DCDC1: variants seen among roughly 807,000 people sequenced by gnomAD.
DCDC1 encodes the protein doublecortin domain containing 1.
In DCDC1, 200 loss-of-function variants were observed where a neutral mutation model predicts 178.3. That is an observed-to-expected ratio of 1.12 (90% CI 1.00 to 1.26). The LOEUF (loss-of-function observed/expected upper bound fraction) is 1.26, where lower values mean the gene tolerates loss of function less well. Ranked by LOEUF, DCDC1 falls within the 50% of genes most tolerant of loss-of-function variation. DCDC1 has a pLI of 0.00. For synonymous variants in DCDC1, 690 were observed against 604.8 expected, an observed-to-expected ratio of 1.14 and a Z score of -2.07; for missense variants, 1,983 against 1,749.2, an observed-to-expected ratio of 1.13 and a Z score of -2.38.
At chr11:31,222,455 C>T (rs748202366) in intron 9 of DCDC1, among the ~76,000 whole-genome samples, 4 of 152,208 alleles carry the variant, frequency 2.6e-5, no homozygotes, top group Non-Finnish European at 5.9e-5. Context: ...CCTCAAAACT[C>T]TTCCAGTCTG....
At chr11:31,190,792 T>C (rs184218022) in intron 9 of DCDC1, among the ~76,000 whole-genome samples, 5 of 152,222 alleles carry the variant, frequency 3.3e-5, no homozygotes, top group Admixed American at 2.0e-4. Context: ...TCAATTAACA[T>C]TACTTAATAT....
intron 38 of DCDC1, among the ~76,000 whole-genome samples, chr11:30,870,255 C>T (rs1222573281): frequency 6.6e-6 from 1 of 152,112 alleles, no homozygotes; most frequent in Non-Finnish European, 1.5e-5. Flanking sequence ...CCTGAGACAC[C>T]TCTTGAAGAC....
intron 6 of DCDC1, among the ~76,000 whole-genome samples, chr11:31,293,990 C>T (rs1044327062): frequency 6.6e-6 from 1 of 152,200 alleles, no homozygotes; most frequent in Non-Finnish European, 1.5e-5. Context: ...TCCACTCTCT[C>T]GGCGAGACCT....
intron 8 of DCDC1, among the ~76,000 whole-genome samples, chr11:31,244,482 T>C (rs978484528): frequency 6.6e-6 from 1 of 151,784 alleles, no homozygotes; most frequent in African/African-American, 2.4e-5. Context: ...CAAACTACTA[T>C]GTAGAAATAT....
chr11:30,944,673 G>C (rs1417552273), intron 21 of DCDC1, among the ~76,000 whole-genome samples: 1 of 152,094 alleles, frequency 6.6e-6, no homozygotes, highest in African/African-American at 2.4e-5. Context: ...TTCCCTGCTT[G>C]GTAAGTATTC....
chr11:30,911,684 A>G (rs371097780), intron 27 of DCDC1, among the ~76,000 whole-genome samples: 3 of 152,150 alleles, frequency 2.0e-5, no homozygotes, highest in East Asian at 1.9e-4. Context: ...AGAACACCCA[A>G]TGATGCTTTG....
chr11:31,184,537 CATCT>C (rs1336976121), intron 9 of DCDC1, among the ~76,000 whole-genome samples: 2 of 151,940 alleles, frequency 1.3e-5, no homozygotes, highest in Non-Finnish European at 2.9e-5. Flanking sequence ...CTAATCTATC[CATCT>C]GACAAAGGGC....
chr11:31,055,732 C>T (rs1486766396), intron 20 of DCDC1, among the ~76,000 whole-genome samples: 1 of 152,126 alleles, frequency 6.6e-6, no homozygotes, highest in African/African-American at 2.4e-5. Flanking sequence ...GACTATTATT[C>T]TAAGTGAAGT....
At chr11:31,135,635 C>G (rs1468546211) in intron 10 of DCDC1, among the ~76,000 whole-genome samples, 1 of 152,122 alleles carries the variant, frequency 6.6e-6, no homozygotes, top group Admixed American at 6.5e-5. Flanking sequence ...TGTACACACA[C>G]ATATGAACAT....
At chr11:31,222,345 G>T (rs574432528) in intron 9 of DCDC1, among the ~76,000 whole-genome samples, 1 of 152,112 alleles carries the variant, frequency 6.6e-6, no homozygotes, top group African/African-American at 2.4e-5. Flanking sequence ...ATTACAGAGT[G>T]AGCCACCACG....
intron 11 of DCDC1, among the ~76,000 whole-genome samples, chr11:31,125,803 A>G (rs1961530236): frequency 6.6e-6 from 1 of 152,168 alleles, no homozygotes; most frequent in Non-Finnish European, 1.5e-5. Context: ...GTAGAGCATT[A>G]GGGAAAAGAG....
intron 36 of DCDC1, among the ~76,000 whole-genome samples, chr11:30,887,343 C>T (rs1360379063): frequency 1.3e-5 from 2 of 152,118 alleles, no homozygotes; most frequent in Non-Finnish European, 2.9e-5. Context: ...GATAAGATAT[C>T]TTTCAACTTC....
At chr11:30,931,424 A>G (rs933097796) in intron 22 of DCDC1, among the ~76,000 whole-genome samples, 5 of 152,254 alleles carry the variant, frequency 3.3e-5, no homozygotes, top group Admixed American at 2.6e-4. Context: ...TTACAAAATT[A>G]TATTTAAGGA....
Position 30,865,793 on chromosome 11 carries a change from G to T in DCDC1, c.*41-461C>A, listed in dbSNP as rs76722406. On this transcript the variant is annotated intron_variant, in intron 38 of 38. Coordinates refer to ENST00000684477, the MANE Select transcript of DCDC1 (RefSeq NM_001387274.1). The stretch of plus-strand genomic sequence containing the variant: ...GTTTTTCCATTAATATCAGACATCA[G>T]TGTTAGTAAGGAACAAGAAAGACAT... Among the ~76,000 whole-genome samples, 606 of 151,900 alleles carry T rather than the reference G, an allele frequency of 4.0e-3. 1 individual carries two copies. The highest frequency in any genetic ancestry group is 0.014 in the African/African-American group (583 of 41,412).
chr11:31,142,448 G>C (rs1456767082), intron 9 of DCDC1, among the ~76,000 whole-genome samples: 1 of 151,758 alleles, frequency 6.6e-6, no homozygotes, highest in Admixed American at 6.6e-5. Context: ...TTGATTCTTG[G>C]GACTATCAAA....
chr11:31,235,746 T>C (rs925684846), intron 9 of DCDC1, among the ~76,000 whole-genome samples: 1 of 152,010 alleles, frequency 6.6e-6, no homozygotes, highest in African/African-American at 2.4e-5. Context: ...AAGTCTATCT[T>C]TCCTTTATGA....
intron 9 of DCDC1, among the ~76,000 whole-genome samples, chr11:31,197,269 T>G (rs76003885): frequency 0.019 from 2,898 of 152,196 alleles, 93 homozygotes; most frequent in African/African-American, 0.066. Context: ...ACTTCCTTAT[T>G]ATCACAACTA....
At chr11:31,303,583 T>G in intron 6 of DCDC1, among the ~76,000 whole-genome samples, 1 of 152,270 alleles carries the variant, frequency 6.6e-6, no homozygotes, top group East Asian at 1.9e-4. Flanking sequence ...GTGAGTGATA[T>G]GTAATATATC....
At chr11:30,989,403 C>T (rs181052088) in intron 20 of DCDC1, among the ~76,000 whole-genome samples, 31 of 152,262 alleles carry the variant, frequency 2.0e-4, no homozygotes, top group Middle Eastern at 6.8e-3. Context: ...CAAACAAACA[C>T]AGACTGCTCT....
Sources: allele counts gnomAD v4.1 joint callset (sites outside exome capture counted in the v4.1 genomes callset), GRCh38; gene constraint gnomAD v4.1.1; transcripts MANE v1.5; gene names NCBI Gene and HGNC (gene_info 2026-07-23, HGNC 2026-07-21).